NAA11: variants seen among roughly 807,000 people sequenced by gnomAD.
The protein encoded by NAA11 is N-alpha-acetyltransferase 11.
NAA11 carries 15 observed loss-of-function variants against 16.1 expected under a neutral mutation model. The ratio of observed to expected loss-of-function variants is 0.93; its 90% confidence interval spans 0.62 to 1.44. The LOEUF is 1.44. Ranked by LOEUF, NAA11 falls within the 40% of genes most tolerant of loss-of-function variation. The probability of loss-of-function intolerance (pLI) is 0.00; values close to 1 mark genes in which losing one functional copy is unlikely to be tolerated. For synonymous variants in NAA11, 122 were observed against 112.4 expected, an observed-to-expected ratio of 1.09 and a Z score of -0.54; for missense variants, 298 against 291.3, an observed-to-expected ratio of 1.02 and a Z score of -0.17.
intron 2 of NAA11, among the ~76,000 whole-genome samples, chr4:79,252,901 T>C (rs1722027626): frequency 6.6e-6 from 1 of 152,140 alleles, no homozygotes; most frequent in Non-Finnish European, 1.5e-5. Context: ...ATATATACTT[T>C]CAAAAAGTGT....
the NAA11 span, among the ~76,000 whole-genome samples, chr4:79,166,500 C>T: frequency 2.0e-5 from 3 of 150,622 alleles, no homozygotes; most frequent in Non-Finnish European, 3.0e-5. Flanking sequence ...TATAGGTGTG[C>T]ACTACCATAC....
intron 2 of NAA11, among the ~76,000 whole-genome samples, chr4:79,290,231 G>T (rs1285415240): frequency 2.6e-5 from 4 of 152,124 alleles, no homozygotes. Context: ...ACACAGTTGT[G>T]GGAGGGTTAG....
intron 2 of NAA11, among the ~76,000 whole-genome samples, chr4:79,252,330 CTA>C: frequency 6.6e-6 from 1 of 152,178 alleles, no homozygotes; most frequent in East Asian, 1.9e-4. Flanking sequence ...ACCCCTAAAT[CTA>C]TTTTTTTAAA....
intron 2 of NAA11, chr4:79,227,218 C>A (rs1452424679): frequency 1.3e-5 from 2 of 151,848 alleles, no homozygotes; most frequent in Non-Finnish European, 2.9e-5. Flanking sequence ...TCAGAGTGAA[C>A]AGGAAACCTA....
At chr4:79,165,378 TG>T in the NAA11 span, among the ~76,000 whole-genome samples, 2 of 152,162 alleles carry the variant, frequency 1.3e-5, no homozygotes, top group African/African-American at 4.8e-5. Flanking sequence ...ACTGCAGGCT[TG>T]GGAAATGGTT....
chr4:79,311,214 C>T (rs1412002384), intron 1 of NAA11, among the ~76,000 whole-genome samples: 2 of 152,116 alleles, frequency 1.3e-5, no homozygotes, highest in African/African-American at 2.4e-5. Context: ...AAGAATTGTA[C>T]TGGCATGCAA....
intron 2 of NAA11, among the ~76,000 whole-genome samples, chr4:79,250,669 G>C (rs187961179): frequency 2.0e-5 from 3 of 152,122 alleles, no homozygotes; most frequent in East Asian, 3.9e-4. Context: ...CACAGCCAAA[G>C]AAACTATCAA....
the NAA11 span, among the ~76,000 whole-genome samples, chr4:79,169,329 G>A: frequency 6.6e-6 from 1 of 152,128 alleles, no homozygotes; most frequent in African/African-American, 2.4e-5. Context: ...CAAAGCTGGA[G>A]GCATTATGCT....
chr4:79,209,731 C>T, the NAA11 span, among the ~76,000 whole-genome samples: 2 of 151,884 alleles, frequency 1.3e-5, no homozygotes, highest in East Asian at 3.9e-4. Context: ...GTAACTGAAC[C>T]CTCAATAACC....
intron 2 of NAA11, among the ~76,000 whole-genome samples, chr4:79,228,984 T>C (rs1404758749): frequency 2.0e-5 from 3 of 152,026 alleles, no homozygotes; most frequent in Non-Finnish European, 4.4e-5. Flanking sequence ...GTCAAATATA[T>C]GATTCACAAA....
chr4:79,173,322 A>G, the NAA11 span, among the ~76,000 whole-genome samples: 2 of 152,074 alleles, frequency 1.3e-5, no homozygotes, highest in African/African-American at 4.8e-5. Context: ...ATGAGCTAAT[A>G]AAAGTGTTAC....
chr4:79,229,677 T>A (rs1721411693), intron 2 of NAA11, among the ~76,000 whole-genome samples: 1 of 152,006 alleles, frequency 6.6e-6, no homozygotes, highest in Non-Finnish European at 1.5e-5. Flanking sequence ...ATTTTTGCTA[T>A]GTGCCTGGTA....
chr4:79,198,996 T>G, the NAA11 span, among the ~76,000 whole-genome samples: 1 of 151,886 alleles, frequency 6.6e-6, no homozygotes, highest in Non-Finnish European at 1.5e-5. Context: ...GATCTGCAAG[T>G]GTAACTAATA....
the NAA11 span, among the ~76,000 whole-genome samples, chr4:79,161,572 T>G: frequency 6.6e-6 from 1 of 152,206 alleles, no homozygotes. Context: ...GGTTGAGATA[T>G]TAATTGGGAT....
chr4:79,251,461 C>T (rs996052665), intron 2 of NAA11, among the ~76,000 whole-genome samples: 4 of 152,110 alleles, frequency 2.6e-5, no homozygotes, highest in Admixed American at 2.6e-4. Flanking sequence ...ACAACAGACA[C>T]TGGGGCCTAC....
At chr4:79,251,710 A>C (rs1434679770) in intron 2 of NAA11, among the ~76,000 whole-genome samples, 1 of 152,152 alleles carries the variant, frequency 6.6e-6, no homozygotes, top group Non-Finnish European at 1.5e-5. Context: ...ATTGTGCTGC[A>C]TATACTTGTC....
chr4:79,314,641 T>TAAAAAAAAAAAAA (rs375245497), downstream of NAA11, among the ~76,000 whole-genome samples: 52 of 98,058 alleles, frequency 5.3e-4, no homozygotes, highest in Middle Eastern at 6.7e-3. Flanking sequence ...TCCTTAAAAT[T>TAAAAAAAAAAAAA]AAAAAAAAAA....
intron 1 of NAA11, among the ~76,000 whole-genome samples, chr4:79,295,043 A>G (rs890739646): frequency 7.9e-5 from 12 of 152,356 alleles, no homozygotes; most frequent in African/African-American, 2.9e-4. Context: ...GAAACAATAA[A>G]GAGTCTCAGA....
the NAA11 span, among the ~76,000 whole-genome samples, chr4:79,216,579 T>C: frequency 6.6e-6 from 1 of 152,128 alleles, no homozygotes; most frequent in African/African-American, 2.4e-5. Flanking sequence ...TTTTTGGATG[T>C]CTTAGGCTGA....
Sources: gnomAD v4.1 joint callset for allele counts (sites outside exome capture counted in the v4.1 genomes callset) on GRCh38, gnomAD v4.1.1 for gene constraint, MANE v1.5 for transcripts, NCBI Gene and HGNC (gene_info 2026-07-23, HGNC 2026-07-21) for gene names.